The following ZFAT variants were observed in gnomAD, a reference collection of about 807,000 sequenced individuals.
ZFAT encodes the protein zinc finger protein ZFAT.
A neutral mutation model predicts 117.7 loss-of-function variants in ZFAT; 64 were observed. The ratio of observed to expected loss-of-function variants is 0.54; its 90% CI spans 0.44 to 0.67. ZFAT has a LOEUF of 0.67. Among genes scored for constraint, ZFAT ranks in the 30% least tolerant of loss-of-function variants. The pLI, the probability that ZFAT is intolerant of heterozygous loss-of-function variation, is 0.00. For missense variants in ZFAT, 1,433 were observed against 1,584.5 expected, an observed-to-expected ratio of 0.90 and a Z score of 1.62; for synonymous variants, 679 against 615.0, an observed-to-expected ratio of 1.10 and a Z score of -1.54.
rs1817681705 is a variant in ZFAT, at chr8:134,486,742, C to G, written c.3493-8021G>C. Among the ~76,000 whole-genome samples the G allele has an allele frequency of 4.6e-5, 7 of 152,308 alleles. No homozygotes were observed. The South Asian group carries it at 1.5e-3, about 32-fold the overall frequency. On this transcript the variant is annotated intron_variant, in intron 15 of 15. Transcript: ENST00000377838. ...AGAACAGAGCCACTGTCAAGATCAT[C>G]ACCACAGAGAATGTAGTGAGCACCA... is the stretch of plus-strand genomic sequence containing the variant.
At chr8:134,567,476 CA>C (rs201459445) in intron 10 of ZFAT, among the ~76,000 whole-genome samples, 2,911 of 152,070 alleles carry the variant, frequency 0.019, 93 homozygotes, top group African/African-American at 0.066. Flanking sequence ...TCCATCCATC[CA>C]TCCATCCATC....
At chr8:134,671,721 G>C (rs535552257) in intron 1 of ZFAT, among the ~76,000 whole-genome samples, 143 of 152,260 alleles carry the variant, frequency 9.4e-4, no homozygotes, top group African/African-American at 3.1e-3. Context: ...TCTCACCACT[G>C]CTATTCAACC....
Position 134,520,916 on chromosome 8 carries a change from C to T in ZFAT, c.3201G>A (p.Lys1067=). The T allele has an allele frequency of 6.2e-7, 1 of 1,613,916 alleles. No individual in the cohort carries two copies. The highest frequency in any genetic ancestry group is 8.5e-7 in the Non-Finnish European group (1 of 1,179,858). The change falls in exon 13 of 16, where the codon AAG becomes AAA. Residue 1067 remains lysine (K), a synonymous_variant. Transcript: ENST00000377838. ...NRHLKNKHGL[K]VVEIDGDPKW... ...TGGGGTCTCCATCAATTTCCACCAC[C>T]TTCAAGCCATGTTTGTTCTTCAAGT...
the ZFAT span, among the ~76,000 whole-genome samples, chr8:134,817,351 A>G: frequency 4.4e-3 from 659 of 150,464 alleles, 9 homozygotes; most frequent in African/African-American, 0.015. Context: ...CACCACAATC[A>G]CGAGCCAATT....
At chr8:134,718,033 A>G (rs1472240021), upstream of ZFAT, among the ~76,000 whole-genome samples, 15 of 152,304 alleles carry the variant, frequency 9.8e-5, no homozygotes, top group East Asian at 2.9e-3. Flanking sequence ...GTATGGGTGC[A>G]GTAGGTTTAG....
chr8:134,643,466 A>G (rs541007293), intron 2 of ZFAT, among the ~76,000 whole-genome samples: 14 of 152,320 alleles, frequency 9.2e-5, no homozygotes, highest in South Asian at 4.1e-4. Flanking sequence ...GGAGGGTACA[A>G]TGTCTAACAG....
At chr8:134,521,118 T>C (rs765053853) in intron 12 of ZFAT, 117 bp from the exon 13 acceptor site, 1 of 687,360 alleles carries the variant, frequency 1.5e-6, no homozygotes, top group Non-Finnish European at 2.4e-6. Flanking sequence ...TCTCCAGCAC[T>C]TGTATTCAAT....
At chr8:134,534,589 AAGGGAGAG>A (rs372058500) in intron 11 of ZFAT, among the ~76,000 whole-genome samples, 3 of 147,026 alleles carry the variant, frequency 2.0e-5, no homozygotes, top group South Asian at 4.3e-4. Flanking sequence ...GGAGAGAGAG[AAGGGAGAG>A]AGGGAGAGAG....
chr8:134,533,268 A>G (rs1467716842), intron 11 of ZFAT, among the ~76,000 whole-genome samples: 2 of 152,114 alleles, frequency 1.3e-5, no homozygotes, highest in East Asian at 3.9e-4. Flanking sequence ...TTTGTTCAAG[A>G]AGAAGACAAA....
chr8:134,766,244 T>C, the ZFAT span: 3 of 152,216 alleles, frequency 2.0e-5, no homozygotes, highest in African/African-American at 7.2e-5. Flanking sequence ...AATCAAATGC[T>C]CTCTAAAATG....
At chr8:134,668,418 G>A (rs1832360865) in intron 1 of ZFAT, among the ~76,000 whole-genome samples, 2 of 152,240 alleles carry the variant, frequency 1.3e-5, no homozygotes, top group Non-Finnish European at 2.9e-5. Context: ...CCAGAGGAAT[G>A]ATCAGGCAGC....
intron 1 of ZFAT, among the ~76,000 whole-genome samples, chr8:134,679,279 G>T (rs1832953482): frequency 6.6e-6 from 1 of 152,108 alleles, no homozygotes; most frequent in Non-Finnish European, 1.5e-5. Context: ...GTGAGTGAAG[G>T]ATATGAATAG....
chr8:134,745,961 T>A, the ZFAT span, among the ~76,000 whole-genome samples: 4 of 152,328 alleles, frequency 2.6e-5, no homozygotes, highest in African/African-American at 9.6e-5. Context: ...TGAGGCAGTT[T>A]CTTAGTTTTT....
the ZFAT span, chr8:134,785,780 A>T: frequency 2.6e-5 from 2 of 77,296 alleles, no homozygotes; most frequent in African/African-American, 7.4e-5. Flanking sequence ...TTCCTGTTTA[A>T]AAAAAAAAAA....
intron 1 of ZFAT, among the ~76,000 whole-genome samples, chr8:134,672,709 A>G (rs1157085977): frequency 1.3e-5 from 2 of 152,232 alleles, no homozygotes; most frequent in Non-Finnish European, 2.9e-5. Context: ...TGGAACTCAG[A>G]CGGAAATGGC....
chr8:134,575,964 C>T (rs531517194), intron 10 of ZFAT, among the ~76,000 whole-genome samples: 1 of 152,262 alleles, frequency 6.6e-6, no homozygotes, highest in South Asian at 2.1e-4. Context: ...AGACTTAGGG[C>T]CTGATGATTC....
At chr8:134,651,663 G>C (rs866677486) in intron 2 of ZFAT, among the ~76,000 whole-genome samples, 2 of 152,162 alleles carry the variant, frequency 1.3e-5, no homozygotes, top group Admixed American at 1.3e-4. Flanking sequence ...TTAGGGTAAA[G>C]GTATAGAGAA....
intron 1 of ZFAT, among the ~76,000 whole-genome samples, chr8:134,666,133 T>C (rs1009873214): frequency 6.6e-6 from 1 of 152,130 alleles, no homozygotes; most frequent in Non-Finnish European, 1.5e-5. Flanking sequence ...AAGGCACCCT[T>C]GCCCCTCCTA....
At chr8:134,697,695 C>T (rs1172698645) in intron 1 of ZFAT, among the ~76,000 whole-genome samples, 2 of 150,806 alleles carry the variant, frequency 1.3e-5, no homozygotes, top group African/African-American at 4.9e-5. Context: ...CCACTGCACT[C>T]CAGCCTGGGC....
Sources: gnomAD v4.1 joint callset for allele counts (sites outside exome capture counted in the v4.1 genomes callset) on GRCh38, gnomAD v4.1.1 for gene constraint, MANE v1.5 for transcripts, NCBI Gene and HGNC (gene_info 2026-07-23, HGNC 2026-07-21) for gene names.